The following PELP1 variants were observed in gnomAD, a reference collection of about 807,000 sequenced individuals.
The protein encoded by PELP1 is proline, glutamate and leucine rich protein 1, also known as proline-, glutamic acid- and leucine-rich protein 1.
In PELP1, 32 loss-of-function variants were observed where a neutral mutation model predicts 95.5. The observed-to-expected ratio is 0.34, with a 90% confidence interval of 0.25 to 0.45. The LOEUF (loss-of-function observed/expected upper bound fraction) is 0.45. Ranked by LOEUF, PELP1 falls within the 20% of genes least tolerant of loss-of-function variation. The pLI is 1.00. For synonymous variants in PELP1, 668 were observed against 600.1 expected, an observed-to-expected ratio of 1.11 and a Z score of -1.65; for missense variants, 1,358 against 1,444.8, an observed-to-expected ratio of 0.94 and a Z score of 0.97.
chr17:4,673,339 G>A lies in PELP1; in HGVS notation c.1756C>T (p.Leu586=). Residue 586 remains leucine (L), a synonymous_variant, in exon 15 of 17, where the codon CTG becomes TTG. Transcript: ENST00000572293. This position sits in a 1 kb window ranked among gnomAD's most constrained non-coding sequence, Gnocchi z 5.7. ...CAGCGAGGAGACGGGGCCAGCAGCA[G>A]CGCCAGCAGCAGGCAGTAGAGTTCA... is the stretch of plus-strand genomic sequence containing the variant. ...RRELYCLLLA[L]LLAPSPRCPP... 3 of 1,593,972 alleles carry A rather than the reference G, an allele frequency of 1.9e-6. No individual in the cohort carries two copies. Among genetic ancestry groups the A allele is most frequent in the Non-Finnish European group, 2.6e-6 (3 of 1,170,510 alleles).
At chr17:4,689,102 C>A (rs530679347) in intron 3 of PELP1, among the ~76,000 whole-genome samples, 2 of 152,260 alleles carry the variant, frequency 1.3e-5, no homozygotes, top group Non-Finnish European at 2.9e-5. Flanking sequence ...GGAAAGGACA[C>A]CCTTTTCAAC....
At chr17:4,674,068 C>T (rs1269996523) in intron 13 of PELP1, among the ~76,000 whole-genome samples, 1 of 152,170 alleles carries the variant, frequency 6.6e-6, no homozygotes, top group Non-Finnish European at 1.5e-5. Flanking sequence ...GGAGCTCCCC[C>T]AGGCAGCCTG....
chr17:4,673,609 C>T lies in PELP1; in HGVS notation c.1638+10G>A, dbSNP rs1912332558. The T allele has an allele frequency of 6.2e-7, 1 of 1,613,194 alleles. No homozygotes were observed. The highest frequency in any genetic ancestry group is 1.1e-5 in the South Asian group (1 of 91,080). On this transcript the variant is annotated intron_variant, in intron 14 of 16. Coordinates refer to ENST00000572293, the MANE Select transcript of PELP1 (RefSeq NM_014389.3). The surrounding 1 kb of genome is among the most constrained non-coding windows in gnomAD (Gnocchi z 5.7). ...TTCCCCTATCTCCACGGAGACGAGG[C>T]TCCACTAACCCTGTGAGTCTCCTCC...
Position 4,672,422 on chromosome 17 carries a change from G to A in PELP1, c.2569C>T (p.Pro857Ser), listed in dbSNP as rs538795872. 10 of 1,569,408 alleles carry A rather than the reference G, an allele frequency of 6.4e-6. No individual in the cohort carries two copies. Among genetic ancestry groups the A allele is most frequent in the Middle Eastern group, 1.7e-4 (1 of 6,010 alleles). The change falls in exon 16 of 17, where the codon CCA becomes TCA. Residue 857 changes from proline (P) to serine (S), a missense_variant. Transcript: ENST00000572293. The part of the protein sequence containing the change: ...PPVPGPVTLP[P>S]PQLVPEGTPG... ...GTCCCTTCAGGGACCAACTGGGGTG[G>A]AGGGAGCGTCACAGGACCAGGAACA...
Position 4,704,046 on chromosome 17 carries a change from C to G in PELP1, c.66G>C (p.Gly22=), listed in dbSNP as rs766072532. 5.0e-6 allele frequency: 8 copies of G among 1,612,528 alleles called. No homozygotes were observed. In the East Asian group the frequency reaches 1.8e-4, roughly 36 times the overall value. The part of the protein sequence containing the change: ...GSAAGVPGGT[G]GLSAVSSGPR... Reference sequence around the variant, plus strand: ...GGCCCGAGCTCACTGCCGAGAGACCCCCGGTCCCGCCAGGAACCCCAGCCG... The same window carrying G: ...GGCCCGAGCTCACTGCCGAGAGACCGCCGGTCCCGCCAGGAACCCCAGCCG... The change falls in exon 1 of 17, where the codon GGG becomes GGC. Residue 22 remains glycine, a synonymous_variant. Coordinates refer to ENST00000572293, the MANE Select transcript of PELP1 (RefSeq NM_014389.3).
Position 4,671,898 on chromosome 17 carries a change from G to A in PELP1, c.3093C>T (p.Leu1031=), listed in dbSNP as rs1462625244. ...CCCTCTCCACCTCTCCCTGGGAGGG[G>A]AGCGCTTCAGGGGCCAGGGTGGGAG... is the stretch of plus-strand genomic sequence containing the variant. The part of the protein sequence containing the change: ...DTAPTLAPEA[L]PSQGEVEREG... The change falls in exon 16 of 17, where the codon CTC becomes CTT. Residue 1031 remains leucine (L), a synonymous_variant. Transcript: ENST00000572293. 6.6e-7 allele frequency: 1 copy of A among 1,513,400 alleles called. No homozygotes were observed. Among genetic ancestry groups the A allele is most frequent in the Non-Finnish European group, 8.8e-7 (1 of 1,134,544 alleles). 93.7% of individuals were successfully genotyped at this position (1,513,400 alleles called of 1,614,324 possible).
chr17:4,695,925 C>A (rs889695518), intron 1 of PELP1, among the ~76,000 whole-genome samples: 1 of 150,984 alleles, frequency 6.6e-6, no homozygotes, highest in Non-Finnish European at 1.5e-5. Flanking sequence ...CCTTGGCCTC[C>A]GAAAGTGCTG....
Position 4,675,066 on chromosome 17 carries a change from C to T in PELP1, c.1274+13G>A. On this transcript the variant is annotated intron_variant, in intron 11 of 16. Coordinates refer to ENST00000572293, the MANE Select transcript of PELP1 (RefSeq NM_014389.3). This position sits in a 1 kb window ranked among gnomAD's most constrained non-coding sequence, Gnocchi z 4.3. ...CTCCTCTTTATTCCCTTCCTGCCTT[C>T]CTGGATGGTCACCTGTAAGGCCTCT... 6.2e-7 allele frequency: 1 copy of T among 1,611,828 alleles called. No homozygotes were observed. The highest frequency in any genetic ancestry group is 8.5e-7 in the Non-Finnish European group (1 of 1,178,002).
rs1912430173 is a variant in PELP1 at position 4,675,616 on chromosome 17, C to T, written c.1068+181G>A. 3 of 715,126 alleles carry T rather than the reference C, an allele frequency of 4.2e-6. No homozygotes were observed. The highest frequency in any genetic ancestry group is 5.1e-6 in the Non-Finnish European group (2 of 390,896). The allele number at this position is 715,126 out of a possible 1,614,324, so 44.3% of individuals were successfully genotyped here. A position where few individuals can be genotyped will look rare whatever the true frequency, so the allele number is the denominator to read the frequency against. ...CCCTCCCCCAAGGAAGCATTTGCTA[C>T]ACTCTGACACTGTGCTCCTGTGTCA... On this transcript the variant is annotated intron_variant, in intron 9 of 16. Coordinates refer to ENST00000572293, the MANE Select transcript of PELP1 (RefSeq NM_014389.3). The surrounding 1 kb of genome is among the most constrained non-coding windows in gnomAD (Gnocchi z 4.3).
chr17:4,675,487 T>C lies in PELP1; in HGVS notation c.1069-125A>G, dbSNP rs759990551. 6.8e-6 allele frequency: 5 copies of C among 737,496 alleles called. No homozygotes were observed. The highest frequency in any genetic ancestry group is 5.9e-5 in the South Asian group (4 of 67,452). The allele number at this position is 737,496 out of a possible 1,614,324, so 45.7% of individuals were successfully genotyped here. The stretch of plus-strand genomic sequence containing the variant: ...AAGAAACCCAACCCCTGATCTCAGC[T>C]CTCCCAACAAAATCAAACCCCTATC... On this transcript the variant is annotated intron_variant, in intron 9 of 16. Transcript: ENST00000572293. The surrounding 1 kb of genome is among the most constrained non-coding windows in gnomAD (Gnocchi z 4.3).
At chr17:4,694,599 G>A (rs549921940) in intron 1 of PELP1, among the ~76,000 whole-genome samples, 5 of 148,040 alleles carry the variant, frequency 3.4e-5, no homozygotes, top group South Asian at 2.2e-4. Flanking sequence ...GGCGGAGGTC[G>A]CAATGAGCCA....
rs1417729653 is a variant in PELP1, at chr17:4,672,011, T to G, written c.2980A>C (p.Lys994Gln). The G allele has an allele frequency of 6.4e-7, 1 of 1,572,512 alleles. No individual in the cohort carries two copies. The highest frequency in any genetic ancestry group is 8.6e-7 in the Non-Finnish European group (1 of 1,161,806). The change falls in exon 16 of 17, where the codon AAG becomes CAG. Residue 994 changes from lysine (K) to glutamine (Q), a missense_variant. This residue lies in a region of PELP1 where 283 missense variants were observed against 284.1 expected (regional missense o/e 1.00). Transcript: ENST00000572293. Reference sequence around the variant, plus strand: ...TCAGGTTCGGGTTCTGGCTGCACCTTTGGGGGAGACTCAGGGGGAGGCAGA... The same window carrying G: ...TCAGGTTCGGGTTCTGGCTGCACCTGTGGGGGAGACTCAGGGGGAGGCAGA... ...PALPPPESPPKVQPEPEPEPG... is the reference protein window; with the variant it reads ...PALPPPESPPQVQPEPEPEPG...
At chr17:4,679,224 C>T (rs372387648) in intron 5 of PELP1, among the ~76,000 whole-genome samples, 1 of 152,194 alleles carries the variant, frequency 6.6e-6, no homozygotes, top group East Asian at 1.9e-4. Context: ...GGTAGGGTTT[C>T]ACCATGTTGG....
In PELP1 at chr17:4,683,243, C is replaced by T. The variant is rs1235038688; in HGVS notation, c.421-291G>A. The T allele has an allele frequency of 1.4e-4, 37 of 263,778 alleles. No individual in the cohort carries two copies. The South Asian group carries it at 1.5e-3, about 11-fold the overall frequency. The allele number at this position is 263,778 out of a possible 1,614,324, so 16.3% of individuals were successfully genotyped here. A position where few individuals can be genotyped will look rare whatever the true frequency, so the allele number is the denominator to read the frequency against. On this transcript the variant is annotated intron_variant, in intron 3 of 16. Coordinates refer to ENST00000572293, the MANE Select transcript of PELP1 (RefSeq NM_014389.3). ...TTTCTTTTTTTTTTTTTTTTTGAGA[C>T]GGAGTCTTGCTCTGTCACCCAGGCT...
intron 2 of PELP1, 112 bp from the exon 3 acceptor site, chr17:4,691,105 G>A (rs1249230502): frequency 1.3e-6 from 1 of 782,582 alleles, no homozygotes; most frequent in Non-Finnish European, 2.1e-6. Flanking sequence ...CAGATCCACT[G>A]TGGTTTCCAA....
Position 4,671,965 on chromosome 17 carries a change from A to G in PELP1, c.3026T>C (p.Val1009Ala), listed in dbSNP as rs770813024. The change falls in exon 16 of 17, where the codon GTG becomes GCG. Residue 1009 changes from valine (V) to alanine (A), a missense_variant. Val to Ala is a moderately conservative substitution (Grantham distance 64). This residue lies in a region of PELP1 where 283 missense variants were observed against 284.1 expected (regional missense o/e 1.00). Coordinates refer to ENST00000572293, the MANE Select transcript of PELP1 (RefSeq NM_014389.3). ...PEPEPGLLLE[V>A]EEPGTEEERG... ...CTCCTCCTCCGTCCCTGGCTCCTCC[A>G]CTTCCAAAAGCAGCCCGGGTTCAGG... The G allele has an allele frequency of 6.0e-5, 92 of 1,536,680 alleles. No individual in the cohort carries two copies. Among genetic ancestry groups the G allele is most frequent in the Non-Finnish European group, 7.1e-5 (81 of 1,146,992 alleles).
At position 4,672,421 on chromosome 17, in the gene PELP1, G is replaced by A; in HGVS notation, c.2570C>T (p.Pro857Leu). ...PPVPGPVTLP[P>L]PQLVPEGTPG... The stretch of plus-strand genomic sequence containing the variant: ...AGTCCCTTCAGGGACCAACTGGGGT[G>A]GAGGGAGCGTCACAGGACCAGGAAC... The change falls in exon 16 of 17, where the codon CCA becomes CTA. Residue 857 changes from proline to leucine, a missense_variant. By Grantham distance (98) the Pro-to-Leu change is moderately conservative (BLOSUM62 -3). Coordinates refer to ENST00000572293, the MANE Select transcript of PELP1 (RefSeq NM_014389.3). 1.9e-6 allele frequency: 3 copies of A among 1,569,156 alleles called. No homozygotes were observed. In the Admixed American group the frequency reaches 5.7e-5, roughly 30 times the overall value.
intron 1 of PELP1, among the ~76,000 whole-genome samples, chr17:4,692,735 C>T (rs1308938643): frequency 2.6e-5 from 4 of 152,008 alleles, no homozygotes; most frequent in Non-Finnish European, 4.4e-5. Context: ...TTAGGCCGGG[C>T]GTGGTAGCTC....
chr17:4,673,734 C>T lies in PELP1; in HGVS notation c.1583-60G>A, dbSNP rs950473316. The T allele has an allele frequency of 2.1e-6, 3 of 1,449,578 alleles. No individual in the cohort carries two copies. The highest frequency in any genetic ancestry group is 2.9e-6 in the Non-Finnish European group (3 of 1,030,262). The allele number at this position is 1,449,578 out of a possible 1,614,324, so 89.8% of individuals were successfully genotyped here. A position where few individuals can be genotyped will look rare whatever the true frequency, so the allele number is the denominator to read the frequency against. ...CCCAACAGACTGACGGCAAGGGCTT[C>T]TGAAGCATACAGCCCAAAATGGGCA... On this transcript the variant is annotated intron_variant, in intron 13 of 16. Coordinates refer to ENST00000572293, the MANE Select transcript of PELP1 (RefSeq NM_014389.3). The surrounding 1 kb of genome is among the most constrained non-coding windows in gnomAD (Gnocchi z 5.7).
Sources: gnomAD v4.1 joint callset for allele counts (sites outside exome capture counted in the v4.1 genomes callset) on GRCh38, gnomAD v4.1.1 for gene constraint, gnomAD v4.1.1 regional missense constraint, Gnocchi (gnomAD v3.1) non-coding constraint, MANE v1.5 for transcripts, NCBI Gene and HGNC (gene_info 2026-07-23, HGNC 2026-07-21) for gene names.